TOGARAM2: variants seen among roughly 807,000 people sequenced by gnomAD.
TOGARAM2 encodes the protein TOG array regulator of axonemal microtubules protein 2.
Under a neutral mutation model 93.3 loss-of-function variants are expected in TOGARAM2, and 85 were observed. The ratio of observed to expected loss-of-function variants is 0.91; its 90% CI spans 0.76 to 1.09. The LOEUF (loss-of-function observed/expected upper bound fraction) is 1.09. Ranked by LOEUF, TOGARAM2 falls within the 50% of genes least tolerant of loss-of-function variation. TOGARAM2 has a pLI of 0.00. For synonymous variants in TOGARAM2, 593 were observed against 552.8 expected (o/e 1.07, Z -1.02); for missense variants, 1,277 against 1,334.5 (o/e 0.96, Z 0.67).
intron 8 of TOGARAM2, 85 bp from the exon 9 acceptor site, chr2:29,017,069 C>T (rs2148334353): frequency 3.3e-6 from 5 of 1,525,842 alleles, no homozygotes; most frequent in African/African-American, 2.7e-5. Flanking sequence ...CAGCAATTGG[C>T]ACACAGTAGA....
chr2:28,989,030 C>T (rs1455388845), intron 1 of TOGARAM2, among the ~76,000 whole-genome samples: 2 of 152,162 alleles, frequency 1.3e-5, no homozygotes, highest in Non-Finnish European at 2.9e-5. Context: ...TAGCTCTGGG[C>T]ACTCTCTTGT....
At chr2:28,956,530 G>A (rs997719294), upstream of TOGARAM2, 4 of 152,350 alleles carry the variant, frequency 2.6e-5, no homozygotes, top group East Asian at 1.9e-4. This position sits in a 1 kb window ranked among gnomAD's most constrained non-coding sequence, Gnocchi z 4.5. Flanking sequence ...CAAAGAATGC[G>A]TCCCACGTGA....
intron 4 of TOGARAM2, among the ~76,000 whole-genome samples, chr2:28,999,811 C>T (rs997473289): frequency 1.1e-4 from 16 of 152,238 alleles, no homozygotes; most frequent in Admixed American, 7.2e-4. Flanking sequence ...GACTAAGATC[C>T]CAAATGTTCC....
intron 4 of TOGARAM2, 110 bp downstream of exon 4, chr2:28,999,578 C>G: frequency 7.8e-7 from 1 of 1,277,542 alleles, no homozygotes; most frequent in Non-Finnish European, 1.1e-6. Context: ...CTGGGATGCC[C>G]TGGGGGTGAT....
Position 29,052,059 on chromosome 2 carries a change from C to A in TOGARAM2, c.3026C>A (p.Thr1009Lys), listed in dbSNP as rs761054708. The change falls in exon 20 of 20, where the codon ACA becomes AAA. Residue 1009 changes from threonine (T) to lysine (K), a missense_variant. Thr to Lys is a moderately conservative substitution (Grantham distance 78). Coordinates refer to ENST00000379558, the MANE Select transcript of TOGARAM2 (RefSeq NM_199280.4). The stretch of plus-strand genomic sequence containing the variant: ...AGAGGGGTGGCCCCTGACAGCAAGA[C>A]AACTGGCAGCTCATACCCTTTTCAG... The part of the protein sequence containing the change: ...TDRGVAPDSK[T>K]TGSSYPFQLD 5 of 1,603,492 alleles carry A rather than the reference C, an allele frequency of 3.1e-6. No individual in the cohort carries two copies. The South Asian group carries it at 5.5e-5, about 18-fold the overall frequency.
Position 29,024,275 on chromosome 2 carries a change from A to G in TOGARAM2, c.1754A>G (p.Asn585Ser). Residue 585 changes from asparagine to serine, a missense_variant, in exon 13 of 20, where the codon AAC becomes AGC. By Grantham distance (46) the Asn-to-Ser change is conservative. Transcript: ENST00000379558. ...RCLLQKMADTNEFIQRAAGQS... is the reference protein window; with the variant it reads ...RCLLQKMADTSEFIQRAAGQS... Reference sequence around the variant, plus strand: ...TTGCTGCAGAAGATGGCGGACACCAACGAGTTCATCCAGAGAGCAGCCGGC... The same window carrying G: ...TTGCTGCAGAAGATGGCGGACACCAGCGAGTTCATCCAGAGAGCAGCCGGC... 1.2e-6 allele frequency: 2 copies of G among 1,613,348 alleles called. No individual in the cohort carries two copies. The highest frequency in any genetic ancestry group is 8.5e-7 in the Non-Finnish European group (1 of 1,179,640).
At chr2:28,972,271 T>C (rs1050510222) in intron 1 of TOGARAM2, 3 of 152,102 alleles carry the variant, frequency 2.0e-5, no homozygotes, top group African/African-American at 7.2e-5. Flanking sequence ...TTGATGTTAG[T>C]AGAGATGGGG....
chr2:29,018,101 C>A, intron 10 of TOGARAM2, 145 bp downstream of exon 10: 2 of 971,162 alleles, frequency 2.1e-6, no homozygotes, highest in South Asian at 1.8e-5. Context: ...GTGGTGGTTG[C>A]CTTGCCAGAG....
At chr2:28,958,905 G>A (rs1241978752) in intron 1 of TOGARAM2, among the ~76,000 whole-genome samples, 1 of 152,234 alleles carries the variant, frequency 6.6e-6, no homozygotes, top group African/African-American at 2.4e-5. Context: ...GGGTGGGGAT[G>A]TGAGCTTTCT....
chr2:28,964,903 G>A (rs1182053829), intron 1 of TOGARAM2, among the ~76,000 whole-genome samples: 1 of 152,052 alleles, frequency 6.6e-6, no homozygotes, highest in African/African-American at 2.4e-5. Flanking sequence ...TGGGCATTTG[G>A]GTTGATTCCA....
chr2:28,987,928 CA>C (rs1672542374), intron 1 of TOGARAM2, among the ~76,000 whole-genome samples: 1 of 152,202 alleles, frequency 6.6e-6, no homozygotes, highest in Admixed American at 6.5e-5. Flanking sequence ...GATGCCCCCA[CA>C]GGGGGTCTGA....
chr2:28,988,364 C>T (rs75933119), intron 1 of TOGARAM2, among the ~76,000 whole-genome samples: 152 of 152,230 alleles, frequency 1.0e-3, no homozygotes, highest in African/African-American at 3.5e-3. Flanking sequence ...ATATCAAGGC[C>T]GTTCTACGTG....
At chr2:28,976,499 T>C (rs927294935), upstream of TOGARAM2, among the ~76,000 whole-genome samples, 1 of 152,210 alleles carries the variant, frequency 6.6e-6, no homozygotes, top group Non-Finnish European at 1.5e-5. Context: ...TTCCTGTGGC[T>C]GTGGGGCAGG....
intron 1 of TOGARAM2, among the ~76,000 whole-genome samples, chr2:28,991,521 T>G (rs1455195872): frequency 6.6e-6 from 1 of 152,194 alleles, no homozygotes; most frequent in African/African-American, 2.4e-5. Context: ...TCTGAGGAGA[T>G]GAGAACTCTG....
At chr2:29,008,818 T>C (rs757751292) in intron 6 of TOGARAM2, among the ~76,000 whole-genome samples, 2 of 152,228 alleles carry the variant, frequency 1.3e-5, no homozygotes, top group Non-Finnish European at 2.9e-5. Context: ...GCAGGGGCCA[T>C]ATGTCAAAAA....
rs114643664 is a variant in TOGARAM2 at position 29,018,731 on chromosome 2, T to C, written c.1360+775T>C. Among the ~76,000 whole-genome samples, 1,415 of 152,262 alleles carry C rather than the reference T, an allele frequency of 9.3e-3. 21 individuals carry two copies. Among genetic ancestry groups the C allele is most frequent in the African/African-American group, 0.032 (1,323 of 41,540 alleles). On this transcript the variant is annotated intron_variant, in intron 10 of 19. Transcript: ENST00000379558. Reference sequence around the variant, plus strand: ...TTTGGTGCTAGTCTTTAGCACCTCTTTTTTTATTTTTATTATTTTTTATAA... The same window carrying C: ...TTTGGTGCTAGTCTTTAGCACCTCTCTTTTTATTTTTATTATTTTTTATAA...
intron 10 of TOGARAM2, among the ~76,000 whole-genome samples, chr2:29,019,714 C>G (rs1481727431): frequency 6.6e-6 from 1 of 152,126 alleles, no homozygotes; most frequent in African/African-American, 2.4e-5. Flanking sequence ...GGAAAAAAAG[C>G]CAACATTCTC....
intron 19 of TOGARAM2, chr2:29,051,187 T>C (rs1249199341): frequency 1.3e-5 from 2 of 152,236 alleles, no homozygotes; most frequent in African/African-American, 4.8e-5. Flanking sequence ...TGGACTTCCA[T>C]AGGTGGTGAT....
Position 29,035,457 on chromosome 2 carries a change from T to C in TOGARAM2, c.2226-7T>C. 7.3e-7 allele frequency: 1 copy of C among 1,379,042 alleles called. No individual in the cohort carries two copies. The highest frequency in any genetic ancestry group is 9.5e-7 in the Non-Finnish European group (1 of 1,054,498). The allele number at this position is 1,379,042 out of a possible 1,614,324, so 85.4% of individuals were successfully genotyped here. A position where few individuals can be genotyped will look rare whatever the true frequency, so the allele number is the denominator to read the frequency against. On this transcript the variant is annotated splice_polypyrimidine_tract_variant and splice_region_variant and intron_variant, in intron 16 of 19. Coordinates refer to ENST00000379558, the MANE Select transcript of TOGARAM2 (RefSeq NM_199280.4). ...TGGGGGGTTCAGACGCCACGCTCCT[T>C]ACCTAGGCTCAGCTGCAATGGCCCA...
Sources: gnomAD v4.1 joint callset for allele counts (sites outside exome capture counted in the v4.1 genomes callset) on GRCh38, gnomAD v4.1.1 for gene constraint, Gnocchi (gnomAD v3.1) non-coding constraint, MANE v1.5 for transcripts, NCBI Gene and HGNC (gene_info 2026-07-23, HGNC 2026-07-21) for gene names.